The following DOCK7 variants were observed in gnomAD, a reference collection of about 807,000 sequenced individuals.
DOCK7 encodes the protein dedicator of cytokinesis protein 7.
A neutral mutation model predicts 271.0 loss-of-function variants in DOCK7; 138 were observed. The observed-to-expected ratio is 0.51, with a 90% CI of 0.44 to 0.59. The LOEUF (loss-of-function observed/expected upper bound fraction) is 0.59. Ranked by LOEUF, DOCK7 falls within the 20% of genes least tolerant of loss-of-function variation. The pLI is 0.00. For missense variants in DOCK7, 2,066 were observed against 2,592.4 expected (o/e 0.80, Z 4.41); for synonymous variants, 823 against 876.1 (o/e 0.94, Z 1.07).
chr1:62,565,328 C>A (rs946171664), intron 18 of DOCK7, among the ~76,000 whole-genome samples: 1 of 152,076 alleles, frequency 6.6e-6, no homozygotes, highest in Non-Finnish European at 1.5e-5. Context: ...ACTGGCAAAC[C>A]GAATGCAGCA....
chr1:62,458,156 G>GGGGT (rs1645401924), intron 48 of DOCK7: 2 of 153,032 alleles, frequency 1.3e-5, no homozygotes, highest in South Asian at 2.0e-4. Flanking sequence ...CTCAAACGTG[G>GGGGT]GTGTGTGTGT....
At chr1:62,641,441 C>T in intron 7 of DOCK7, 2 of 407,230 alleles carry the variant, frequency 4.9e-6, no homozygotes, top group South Asian at 3.6e-5. Context: ...AGCAGCCTGG[C>T]CTCACTTGGT....
chr1:62,662,233 T>C (rs1377464820), intron 2 of DOCK7, among the ~76,000 whole-genome samples: 2 of 152,176 alleles, frequency 1.3e-5, no homozygotes, highest in Non-Finnish European at 2.9e-5. Flanking sequence ...TTAATTCATA[T>C]TTCTAATATA....
At chr1:62,567,547 G>T (rs141318962) in intron 18 of DOCK7, among the ~76,000 whole-genome samples, 28 of 152,026 alleles carry the variant, frequency 1.8e-4, no homozygotes, top group African/African-American at 6.0e-4. Flanking sequence ...GGGCCTGTTG[G>T]GGGGTGGAGG....
rs931140272 is a variant in DOCK7 at position 62,625,374 on chromosome 1, C to T, written c.1310G>A (p.Arg437Lys). ...TCGTCTGCCAACAATACTAGAATTCCTCCTCTCTGACCAAGACCCTTTTCG... is the reference window on the plus strand; with the variant it reads ...TCGTCTGCCAACAATACTAGAATTCTTCCTCTCTGACCAAGACCCTTTTCG... ...GERKGSWSER[R>K]NSSIVGRRSL... The change falls in exon 12 of 50, where the codon AGG (arginine) becomes AAG (lysine). Residue 437 changes from arginine to lysine, a missense_variant. Coordinates refer to ENST00000635253, the MANE Select transcript of DOCK7 (RefSeq NM_001367561.1). 9 of 1,612,710 alleles carry T rather than the reference C, an allele frequency of 5.6e-6. No homozygotes were observed. The highest frequency in any genetic ancestry group is 1.6e-4 in the Middle Eastern group (1 of 6,072).
In DOCK7 at chr1:62,634,809, G is replaced by A. The variant is rs758427747; in HGVS notation, c.999C>T (p.Ile333=). 5.0e-6 allele frequency: 8 copies of A among 1,613,050 alleles called. No individual in the cohort carries two copies. The South Asian group carries it at 5.5e-5, about 11-fold the overall frequency. ...TTLARSAIFS[I]TYPSQDVFLV... is the part of the protein sequence containing the mutation. ...GAAAAACATCTTGGGAAGGATAAGTGATAGAAAAAATTGCTGATCTTGCCA... is the reference window on the plus strand; with the variant it reads ...GAAAAACATCTTGGGAAGGATAAGTAATAGAAAAAATTGCTGATCTTGCCA... Residue 333 remains isoleucine (I), a synonymous_variant, in exon 9 of 50, where the codon ATC becomes ATT. Transcript: ENST00000635253.
chr1:62,654,150 T>G lies in DOCK7; in HGVS notation c.154A>C (p.Thr52Pro). Residue 52 changes from threonine (T) to proline (P), a missense_variant, in exon 3 of 50, where the codon ACC becomes CCC. Coordinates refer to ENST00000635253, the MANE Select transcript of DOCK7 (RefSeq NM_001367561.1). The stretch of plus-strand genomic sequence containing the variant: ...AAATCCACTGGATCTACTGCTTCGG[T>G]AAGGGGCACCTTTGTAAAAAGTTGG... ...NISHHTTVPL[T>P]EAVDPVDLED... 1 of 1,612,496 alleles carries G rather than the reference T, an allele frequency of 6.2e-7. No homozygotes were observed. Among genetic ancestry groups the G allele is most frequent in the Non-Finnish European group, 8.5e-7 (1 of 1,179,166 alleles).
At chr1:62,644,376 C>G (rs1656383420) in intron 7 of DOCK7, among the ~76,000 whole-genome samples, 1 of 152,192 alleles carries the variant, frequency 6.6e-6, no homozygotes, top group Non-Finnish European at 1.5e-5. Flanking sequence ...ACAAATATCA[C>G]TACTATTTCT....
intron 14 of DOCK7, among the ~76,000 whole-genome samples, chr1:62,607,158 A>AT: frequency 6.6e-6 from 1 of 152,028 alleles, no homozygotes; most frequent in Non-Finnish European, 1.5e-5. Context: ...GTGAGCTGAG[A>AT]TCACACCAAT....
At chr1:62,533,560 C>T (rs1645244406) in intron 29 of DOCK7, among the ~76,000 whole-genome samples, 1 of 142,328 alleles carries the variant, frequency 7.0e-6, no homozygotes, top group African/African-American at 2.6e-5. Context: ...CCAAAGTCTG[C>T]ACACACACTG....
intron 14 of DOCK7, among the ~76,000 whole-genome samples, chr1:62,616,245 C>T (rs1359332): frequency 9.9e-5 from 15 of 151,552 alleles, no homozygotes; most frequent in Admixed American, 2.0e-4. Flanking sequence ...TTGGTATGAG[C>T]GCATTACTCA....
chr1:62,683,989 T>C (rs1397805940), intron 1 of DOCK7, among the ~76,000 whole-genome samples: 9 of 150,334 alleles, frequency 6.0e-5, no homozygotes, highest in African/African-American at 2.2e-4. Flanking sequence ...CCTGTAATCC[T>C]AGCACTTTGG....
intron 7 of DOCK7, among the ~76,000 whole-genome samples, chr1:62,637,652 C>G (rs1437907635): frequency 6.6e-6 from 1 of 152,130 alleles, no homozygotes; most frequent in Non-Finnish European, 1.5e-5. Context: ...GTAGAAAATA[C>G]ACAACATATT....
At chr1:62,604,762 C>CT (rs770867880) in intron 14 of DOCK7, 9 of 1,612,990 alleles carry the variant, frequency 5.6e-6, no homozygotes, top group Non-Finnish European at 7.6e-6. Flanking sequence ...AGGTTATACT[C>CT]TATAAAATCA....
At chr1:62,639,111 T>C in intron 7 of DOCK7, among the ~76,000 whole-genome samples, 1 of 152,120 alleles carries the variant, frequency 6.6e-6, no homozygotes, top group East Asian at 1.9e-4. Context: ...TACTATACCA[T>C]CTTAATTACA....
chr1:62,545,155 G>T, intron 22 of DOCK7, 116 bp from the exon 23 acceptor site: 3 of 982,278 alleles, frequency 3.1e-6, no homozygotes, highest in South Asian at 2.0e-5. Flanking sequence ...AATTAGTACT[G>T]TTAAAGCAAC....
At chr1:62,644,600 T>C (rs1383616912) in intron 7 of DOCK7, among the ~76,000 whole-genome samples, 2 of 152,222 alleles carry the variant, frequency 1.3e-5, no homozygotes. Flanking sequence ...CTAGAAGATA[T>C]TCCCCTGAAT....
At chr1:62,574,061 G>A (rs1037112688) in intron 18 of DOCK7, among the ~76,000 whole-genome samples, 6 of 152,124 alleles carry the variant, frequency 3.9e-5, no homozygotes, top group South Asian at 2.1e-4. Flanking sequence ...ATTAGACAAT[G>A]CCACTGGCCA....
At chr1:62,548,322 G>A (rs186474300) in intron 22 of DOCK7, among the ~76,000 whole-genome samples, 13 of 151,938 alleles carry the variant, frequency 8.6e-5, no homozygotes, top group Non-Finnish European at 1.2e-4. Flanking sequence ...CTGAGAAGGC[G>A]GCCTTCAGAG....
Sources: gnomAD v4.1 joint callset for allele counts (sites outside exome capture counted in the v4.1 genomes callset) on GRCh38, gnomAD v4.1.1 for gene constraint, MANE v1.5 for transcripts, NCBI Gene and HGNC (gene_info 2026-07-23, HGNC 2026-07-21) for gene names.